Variants in RIPOR2 observed in about 807,000 individuals in gnomAD.
RIPOR2 encodes the protein rho family-interacting cell polarization regulator 2.
In RIPOR2, 39 loss-of-function variants were observed where a neutral mutation model predicts 114.5. The ratio of observed to expected loss-of-function variants is 0.34; its 90% CI spans 0.26 to 0.44. The LOEUF is 0.44. Among genes scored for constraint, RIPOR2 ranks in the 20% least tolerant of loss-of-function variants. The pLI is 1.00. For missense variants in RIPOR2, 1,007 were observed against 1,255.1 expected (o/e 0.80, Z 2.99); for synonymous variants, 445 against 484.4 (o/e 0.92, Z 1.07).
At chr6:24,896,307 T>C (rs1472085773) in intron 1 of RIPOR2, among the ~76,000 whole-genome samples, 1 of 152,200 alleles carries the variant, frequency 6.6e-6, no homozygotes, top group Non-Finnish European at 1.5e-5. Context: ...CTATGAAAAT[T>C]ATATAGGTCA....
At chr6:24,935,805 C>G (rs765208216) in intron 1 of RIPOR2, 33 bp downstream of exon 1, 6 of 1,492,500 alleles carry the variant, frequency 4.0e-6, no homozygotes, top group Non-Finnish European at 5.4e-6. Flanking sequence ...GCAAAGCAGA[C>G]CGGAGAGCCT....
rs182314830 is a variant in RIPOR2 at position 25,003,489 on chromosome 6, C to T, written c.76+38362G>A. Among the ~76,000 whole-genome samples the T allele has an allele frequency of 5.3e-4, 80 of 151,668 alleles. No homozygotes were observed. The East Asian group carries it at 7.4e-3, about 14-fold the overall frequency. On this transcript the variant is annotated intron_variant, in intron 1 of 13. Coordinates refer to the RIPOR2 transcript ENST00000510784. ...TGTTGCCCAGACTGGAGTGCAGTGG[C>T]GCAGTCATGGCTCAGTGTAGCCTCA...
chr6:25,015,001 A>C (rs1160171638), intron 1 of RIPOR2: 1 of 151,936 alleles, frequency 6.6e-6, no homozygotes, highest in Non-Finnish European at 1.5e-5. Flanking sequence ...ATGCAGAGAC[A>C]GTTATGTGTC....
At chr6:24,911,523 T>G (rs1396979813) in intron 1 of RIPOR2, among the ~76,000 whole-genome samples, 1 of 152,172 alleles carries the variant, frequency 6.6e-6, no homozygotes, top group Admixed American at 6.5e-5. Flanking sequence ...CGGCAAGGGT[T>G]GTGCTGGAAA....
intron 1 of RIPOR2, among the ~76,000 whole-genome samples, chr6:24,884,172 G>A (rs1211359351): frequency 6.6e-6 from 1 of 152,126 alleles, no homozygotes; most frequent in East Asian, 1.9e-4. Context: ...ACTTTGGGAG[G>A]CTGAGGCGGG....
chr6:25,018,172 T>G (rs1052655594), intron 1 of RIPOR2, among the ~76,000 whole-genome samples: 1 of 152,196 alleles, frequency 6.6e-6, no homozygotes, highest in Admixed American at 6.5e-5. Flanking sequence ...CGGCGCCACC[T>G]GATGGTTACT....
chr6:24,943,508 C>A (rs779863593), intron 1 of RIPOR2, among the ~76,000 whole-genome samples: 2 of 148,704 alleles, frequency 1.3e-5, no homozygotes, highest in African/African-American at 5.0e-5. Context: ...AATAATAAAG[C>A]CTTTCTTCCA....
At chr6:24,954,920 G>A (rs1772958691) in intron 1 of RIPOR2, among the ~76,000 whole-genome samples, 1 of 152,180 alleles carries the variant, frequency 6.6e-6, no homozygotes, top group South Asian at 2.1e-4. Context: ...GCAGCACTTA[G>A]GGCATTCTTC....
intron 7 of RIPOR2, among the ~76,000 whole-genome samples, chr6:24,863,043 C>G (rs1053604778): frequency 2.6e-5 from 4 of 152,138 alleles, no homozygotes; most frequent in Non-Finnish European, 5.9e-5. Flanking sequence ...ACCTCTGCCT[C>G]CCAGGTTCAA....
intron 1 of RIPOR2, among the ~76,000 whole-genome samples, chr6:24,965,693 T>C (rs1235321732): frequency 6.6e-6 from 1 of 152,212 alleles, no homozygotes; most frequent in Non-Finnish European, 1.5e-5. Flanking sequence ...AATGATTTTT[T>C]TAAAAAACAT....
intron 1 of RIPOR2, chr6:25,014,896 G>A (rs1775903276): frequency 6.6e-6 from 1 of 152,158 alleles, no homozygotes; most frequent in Non-Finnish European, 1.5e-5. Flanking sequence ...TTGCATTGTT[G>A]GGTTTTGTTT....
At chr6:25,005,738 T>TATATATATATATATATATACACAC (rs34572978) in intron 1 of RIPOR2, among the ~76,000 whole-genome samples, 9 of 70,700 alleles carry the variant, frequency 1.3e-4, no homozygotes, top group Non-Finnish European at 2.3e-4. Flanking sequence ...TATATATATA[T>TATATATATATATATATATACACAC]ATACATTTAC....
intron 10 of RIPOR2, 112 bp downstream of exon 10, chr6:24,850,485 G>C (rs1267389709): frequency 5.3e-6 from 6 of 1,139,464 alleles, no homozygotes; most frequent in Middle Eastern, 2.0e-4. Context: ...GACTTGTGCA[G>C]AAAAGTCTGT....
At chr6:24,889,994 C>A (rs578196182) in intron 1 of RIPOR2, among the ~76,000 whole-genome samples, 51 of 152,178 alleles carry the variant, frequency 3.4e-4, no homozygotes, top group Admixed American at 5.2e-4. Flanking sequence ...CGGGTTCAAG[C>A]GATTCTCCTG....
intron 1 of RIPOR2, among the ~76,000 whole-genome samples, chr6:25,034,131 G>A (rs1157481920): frequency 2.6e-5 from 4 of 151,862 alleles, no homozygotes; most frequent in Non-Finnish European, 4.4e-5. Context: ...CAAAAGAAAT[G>A]GGAGTGCTAC....
intron 1 of RIPOR2, among the ~76,000 whole-genome samples, chr6:24,981,902 C>T (rs151115919): frequency 5.9e-5 from 9 of 152,324 alleles, no homozygotes; most frequent in South Asian, 2.1e-4. Flanking sequence ...TGTTTATTTA[C>T]GCCTAACATG....
At chr6:24,973,579 G>T (rs555572721) in intron 1 of RIPOR2, among the ~76,000 whole-genome samples, 24 of 139,546 alleles carry the variant, frequency 1.7e-4, no homozygotes, top group African/African-American at 5.7e-4. Context: ...CCTAGTGACA[G>T]AGTGAGACTG....
chr6:24,927,182 T>TCACCACCACCACAACTACAACTACA (rs1350897331), intron 1 of RIPOR2, among the ~76,000 whole-genome samples: 1 of 3,230 alleles, frequency 3.1e-4, no homozygotes. Context: ...ACCACCACCA[T>TCACCACCACCACAACTACAACTACA]GACCACCACC....
At chr6:24,939,979 G>T (rs1050021884), upstream of RIPOR2, among the ~76,000 whole-genome samples, 2 of 152,068 alleles carry the variant, frequency 1.3e-5, no homozygotes, top group South Asian at 4.1e-4. Flanking sequence ...TGATATGAAA[G>T]GTCTGGTCCT....
Sources: allele counts gnomAD v4.1 joint callset (sites outside exome capture counted in the v4.1 genomes callset), GRCh38; gene constraint gnomAD v4.1.1; transcripts MANE v1.5; gene names NCBI Gene and HGNC (gene_info 2026-07-23, HGNC 2026-07-21).